The following MLLT10 variants were observed in gnomAD, a reference collection of about 807,000 sequenced individuals.
The protein encoded by MLLT10 is protein AF-10.
In MLLT10, 30 loss-of-function variants were observed where a neutral mutation model predicts 129.1. The observed-to-expected ratio is 0.23, with a 90% CI of 0.17 to 0.32. MLLT10 has a LOEUF of 0.32. Among genes scored for constraint, MLLT10 ranks in the 10% least tolerant of loss-of-function variants. MLLT10 has a pLI of 1.00. For missense variants in MLLT10, 1,119 were observed against 1,268.3 expected, an observed-to-expected ratio of 0.88 and a Z score of 1.79; for synonymous variants, 490 against 446.4, an observed-to-expected ratio of 1.10 and a Z score of -1.23.
intron 8 of MLLT10, among the ~76,000 whole-genome samples, chr10:21,648,632 A>G (rs1240774442): frequency 6.6e-6 from 1 of 152,198 alleles, no homozygotes; most frequent in Non-Finnish European, 1.5e-5. Flanking sequence ...AAAGACCAGG[A>G]TCATTTCAAC....
intron 8 of MLLT10, among the ~76,000 whole-genome samples, chr10:21,641,895 A>G (rs1051195004): frequency 2.0e-5 from 3 of 152,228 alleles, no homozygotes; most frequent in Non-Finnish European, 4.4e-5. Context: ...ACAGTAGCCA[A>G]TTCAGCTGTG....
intron 9 of MLLT10, among the ~76,000 whole-genome samples, chr10:21,667,490 A>G (rs920883778): frequency 6.6e-6 from 1 of 150,948 alleles, no homozygotes; most frequent in African/African-American, 2.4e-5. Flanking sequence ...CATGTAAATT[A>G]GGCTACTTAA....
chr10:21,539,016 TATC>T, intron 3 of MLLT10, 104 bp downstream of exon 3: 2 of 720,564 alleles, frequency 2.8e-6, no homozygotes, highest in Non-Finnish European at 4.6e-6. Flanking sequence ...TTTCTTCAAA[TATC>T]ATAATGTAAG....
At chr10:21,549,534 C>T (rs1446294694) in intron 3 of MLLT10, among the ~76,000 whole-genome samples, 1 of 152,072 alleles carries the variant, frequency 6.6e-6, no homozygotes, top group Non-Finnish European at 1.5e-5. Flanking sequence ...TTTTCATGTT[C>T]AGGGTTATCC....
chr10:21,699,510 T>A lies in MLLT10; in HGVS notation c.1700-14262T>A, dbSNP rs1217205861. On this transcript the variant is annotated intron_variant, in intron 13 of 22. Transcript: ENST00000307729. The stretch of plus-strand genomic sequence containing the variant: ...CTTTGAGTATTTTTATACTTTCAGG[T>A]CTTATGTTTAAGTCTGTAATCCATC... 2.0e-5 allele frequency among the ~76,000 whole-genome samples: 3 copies of A among 152,178 alleles called. No homozygotes were observed. The South Asian group carries it at 6.2e-4, about 32-fold the overall frequency.
At chr10:21,602,335 C>A (rs1295282420) in intron 5 of MLLT10, among the ~76,000 whole-genome samples, 1 of 151,768 alleles carries the variant, frequency 6.6e-6, no homozygotes, top group Non-Finnish European at 1.5e-5. Flanking sequence ...CTGGCTCCCC[C>A]GTTATAGGTC....
chr10:21,696,083 T>C (rs2054332463), intron 13 of MLLT10, among the ~76,000 whole-genome samples: 1 of 152,048 alleles, frequency 6.6e-6, no homozygotes, highest in Admixed American at 6.5e-5. Context: ...CTCATCTCTT[T>C]TCCTTTTGGG....
intron 13 of MLLT10, among the ~76,000 whole-genome samples, chr10:21,685,929 A>AT (rs2053248659): frequency 6.6e-6 from 1 of 152,232 alleles, no homozygotes; most frequent in African/African-American, 2.4e-5. Flanking sequence ...AGATGAATAA[A>AT]AGCCAACTTC....
intron 13 of MLLT10, among the ~76,000 whole-genome samples, chr10:21,704,685 C>T (rs528889154): frequency 2.8e-4 from 40 of 141,388 alleles, no homozygotes; most frequent in Admixed American, 1.3e-3. Flanking sequence ...ATAATAGCTT[C>T]TCCCAATTTT....
chr10:21,612,681 G>C (rs541805604), intron 6 of MLLT10, among the ~76,000 whole-genome samples: 13 of 152,216 alleles, frequency 8.5e-5, no homozygotes, highest in African/African-American at 1.2e-4. Context: ...TTCTCTGTAA[G>C]CTTCAGTTTC....
chr10:21,554,376 AC>A (rs574591426), intron 3 of MLLT10, among the ~76,000 whole-genome samples: 61 of 151,952 alleles, frequency 4.0e-4, no homozygotes, highest in African/African-American at 1.4e-3. Flanking sequence ...GCCCACGCTG[AC>A]CTTGAAAGTG....
Position 21,742,095 on chromosome 10 carries a change from A to G in MLLT10, c.*112A>G, listed in dbSNP as rs1671886679. On this transcript the variant is annotated 3_prime_UTR_variant, in exon 23 of 23. Transcript: ENST00000307729. ...AGAAACGCAACAAGAAACTCAATGC[A>G]CAACAAAGGATTAATTGCTGCAAGG... 7 of 904,186 alleles carry G rather than the reference A, an allele frequency of 7.7e-6. No individual in the cohort carries two copies. In the East Asian group the frequency reaches 1.5e-4, roughly 19 times the overall value. The allele number at this position is 904,186 out of a possible 1,614,324, so 56.0% of individuals were successfully genotyped here.
chr10:21,612,348 A>G lies in MLLT10; in HGVS notation c.406A>G (p.Thr136Ala). ...TGTCTTTTTTTTTTTTAACCCCAAG[A>G]CTTGCTACATTTGTGATGAACAAGG... is the stretch of plus-strand genomic sequence containing the variant. ...QSVPHDRYNK[T>A]CYICDEQGRE... Residue 136 changes from threonine (T) to alanine (A), a missense_variant and splice_region_variant, in exon 6 of 23, where the codon ACT becomes GCT. This residue lies in a region of MLLT10 where 44 missense variants were observed against 114.3 expected (regional missense o/e 0.38). Transcript: ENST00000307729. 1.3e-6 allele frequency: 2 copies of G among 1,592,248 alleles called. No individual in the cohort carries two copies. Among genetic ancestry groups the G allele is most frequent in the Non-Finnish European group, 1.7e-6 (2 of 1,167,046 alleles).
chr10:21,549,575 G>A (rs995594309), intron 3 of MLLT10, among the ~76,000 whole-genome samples: 9 of 151,800 alleles, frequency 5.9e-5, no homozygotes, highest in African/African-American at 1.9e-4. Flanking sequence ...TGGAACTGCA[G>A]TCATTGTGAC....
At chr10:21,590,697 G>A (rs769463211) in intron 4 of MLLT10, among the ~76,000 whole-genome samples, 6 of 152,084 alleles carry the variant, frequency 3.9e-5, no homozygotes, top group Admixed American at 6.6e-5. Context: ...TAATTACCCC[G>A]TTGTTATTCC....
chr10:21,724,544 T>C (rs2057346941), intron 14 of MLLT10, among the ~76,000 whole-genome samples: 1 of 152,262 alleles, frequency 6.6e-6, no homozygotes, highest in South Asian at 2.1e-4. Flanking sequence ...TGTTCTGAAA[T>C]AACTGCAATG....
intron 3 of MLLT10, among the ~76,000 whole-genome samples, chr10:21,545,905 G>T (rs550658077): frequency 6.6e-6 from 1 of 151,920 alleles, no homozygotes; most frequent in Non-Finnish European, 1.5e-5. Context: ...GGCTTTAAGA[G>T]ATCCTCCCGT....
chr10:21,597,758 T>A (rs934532974), intron 5 of MLLT10, among the ~76,000 whole-genome samples: 1 of 152,256 alleles, frequency 6.6e-6, no homozygotes, highest in African/African-American at 2.4e-5. Context: ...ACAGGCCAGT[T>A]ATTTTGTAGA....
At chr10:21,726,040 C>T (rs562467615) in intron 14 of MLLT10, among the ~76,000 whole-genome samples, 33 of 152,128 alleles carry the variant, frequency 2.2e-4, no homozygotes, top group Admixed American at 3.9e-4. Context: ...CGTGAGCCAC[C>T]GCGCCCGGCC....
Sources: allele counts gnomAD v4.1 joint callset (sites outside exome capture counted in the v4.1 genomes callset), GRCh38; gene constraint gnomAD v4.1.1; regional missense constraint gnomAD v4.1.1; transcripts MANE v1.5; gene names NCBI Gene and HGNC (gene_info 2026-07-23, HGNC 2026-07-21).